The following RGS6 variants were observed in gnomAD, a reference collection of about 807,000 sequenced individuals.
The protein encoded by RGS6 is regulator of G-protein signaling 6.
In RGS6, 30 loss-of-function variants were observed where a neutral mutation model predicts 78.5. The ratio of observed to expected loss-of-function variants is 0.38; its 90% CI spans 0.29 to 0.52. The LOEUF (loss-of-function observed/expected upper bound fraction) is 0.52, where lower values mean the gene tolerates loss of function less well. Ranked by LOEUF, RGS6 falls within the 20% of genes least tolerant of loss-of-function variation. The pLI is 0.85. For synonymous variants in RGS6, 206 were observed against 206.0 expected (o/e 1.00, Z 0.00); for missense variants, 495 against 609.7 (o/e 0.81, Z 1.98).
chr14:72,387,368 CA>C (rs1195503841), intron 3 of RGS6, among the ~76,000 whole-genome samples: 1 of 152,004 alleles, frequency 6.6e-6, no homozygotes, highest in African/African-American at 2.4e-5. Context: ...GCTAACACAG[CA>C]AAACCCCATC....
At chr14:72,303,080 T>C (rs2066466068) in intron 2 of RGS6, among the ~76,000 whole-genome samples, 1 of 152,230 alleles carries the variant, frequency 6.6e-6, no homozygotes, top group South Asian at 2.1e-4. Context: ...TATGTCTTTA[T>C]TAGCAGCATG....
intron 11 of RGS6, among the ~76,000 whole-genome samples, chr14:72,477,478 A>G (rs1201688368): frequency 7.5e-6 from 1 of 132,546 alleles, no homozygotes; most frequent in Non-Finnish European, 1.6e-5. Flanking sequence ...GTAAGAGGTA[A>G]TGGATATATG....
chr14:72,341,667 A>C (rs1052502646), intron 2 of RGS6, among the ~76,000 whole-genome samples: 1 of 152,236 alleles, frequency 6.6e-6, no homozygotes, highest in African/African-American at 2.4e-5. Context: ...CAGATGCCGA[A>C]TGATGGAGGA....
At chr14:72,100,752 T>C (rs2095512298) in intron 2 of RGS6, among the ~76,000 whole-genome samples, 1 of 152,232 alleles carries the variant, frequency 6.6e-6, no homozygotes, top group South Asian at 2.1e-4. Context: ...TGAATCTATC[T>C]GTAAGCAACT....
rs1206955331 is a variant in RGS6, at chr14:72,233,362, G to A, written c.85-118733G>A. Among the ~76,000 whole-genome samples, 3 of 152,164 alleles carry A rather than the reference G, an allele frequency of 2.0e-5. No individual in the cohort carries two copies. In the East Asian group the frequency reaches 5.8e-4, roughly 29 times the overall value. ...TCCACTTGGCCTGGAGCGTCTGTGA[G>A]TCCTTGTCAAATACTGCCTGGCACT... On this transcript the variant is annotated intron_variant, in intron 2 of 17. Transcript: ENST00000553525.
At chr14:72,174,274 A>C (rs2097072389) in intron 2 of RGS6, among the ~76,000 whole-genome samples, 1 of 152,154 alleles carries the variant, frequency 6.6e-6, no homozygotes, top group African/African-American at 2.4e-5. Flanking sequence ...TGCCCAGCTA[A>C]TTTTGTAGAG....
intron 2 of RGS6, among the ~76,000 whole-genome samples, chr14:72,156,385 G>A (rs1299604274): frequency 1.3e-5 from 2 of 149,466 alleles, no homozygotes; most frequent in Non-Finnish European, 3.0e-5. Flanking sequence ...GGCAGAGGTT[G>A]CAGTGAGCCA....
chr14:72,177,020 C>T (rs1329999915), intron 2 of RGS6, among the ~76,000 whole-genome samples: 1 of 152,038 alleles, frequency 6.6e-6, no homozygotes, highest in Non-Finnish European at 1.5e-5. Context: ...CTTTCTTCTC[C>T]TCAATATAAC....
intron 2 of RGS6, among the ~76,000 whole-genome samples, chr14:71,989,518 A>G (rs2094865844): frequency 6.6e-6 from 1 of 152,256 alleles, no homozygotes; most frequent in African/African-American, 2.4e-5. Flanking sequence ...GGCCTGTGAA[A>G]AACATAAGGC....
chr14:72,002,596 C>A lies in RGS6; in HGVS notation c.84+37721C>A, dbSNP rs533647288. On this transcript the variant is annotated intron_variant, in intron 2 of 17. Coordinates refer to ENST00000553525, the MANE Select transcript of RGS6 (RefSeq NM_001204424.2). ...GGTATGCATTGAGGCAAGAGTCTTG[C>A]CAACTTTTCAAAAAAAAAATGGGAA... Among the ~76,000 whole-genome samples, 4 of 100,886 alleles carry A rather than the reference C, an allele frequency of 4.0e-5. No homozygotes were observed. The Admixed American group carries it at 4.0e-4, about 10-fold the overall frequency. The allele number at this position is 100,886 out of a possible 152,430, so 66.2% of individuals were successfully genotyped here.
chr14:72,116,013 C>A (rs76900944), intron 2 of RGS6, among the ~76,000 whole-genome samples: 5,737 of 152,284 alleles, frequency 0.038, 121 homozygotes, highest in African/African-American at 0.049. Context: ...TAATAGGAAT[C>A]TTTAAACTCC....
chr14:72,441,612 C>T (rs1278482835), intron 3 of RGS6, among the ~76,000 whole-genome samples: 1 of 152,246 alleles, frequency 6.6e-6, no homozygotes, highest in African/African-American at 2.4e-5. Flanking sequence ...TTGACTTCCT[C>T]CTGTCACTGC....
chr14:72,249,690 A>G (rs968753763), intron 2 of RGS6, among the ~76,000 whole-genome samples: 1 of 152,206 alleles, frequency 6.6e-6, no homozygotes, highest in Non-Finnish European at 1.5e-5. Context: ...TTTTGGATTT[A>G]TGCACTAGAG....
At chr14:72,039,613 G>C (rs2092160489) in intron 2 of RGS6, among the ~76,000 whole-genome samples, 1 of 152,100 alleles carries the variant, frequency 6.6e-6, no homozygotes, top group Non-Finnish European at 1.5e-5. Flanking sequence ...GTATACATCA[G>C]ATAGTGAGGT....
At chr14:72,140,629 A>G (rs2096526658) in intron 2 of RGS6, among the ~76,000 whole-genome samples, 1 of 152,234 alleles carries the variant, frequency 6.6e-6, no homozygotes, top group Non-Finnish European at 1.5e-5. Flanking sequence ...CCTGTTACAG[A>G]GTTAAAGCTG....
intron 2 of RGS6, among the ~76,000 whole-genome samples, chr14:72,230,189 T>C (rs1386269866): frequency 6.6e-6 from 1 of 152,224 alleles, no homozygotes; most frequent in Non-Finnish European, 1.5e-5. Flanking sequence ...ATTTTAGTTA[T>C]TCCTGGATCT....
chr14:72,417,954 A>G (rs2093941706), intron 3 of RGS6, among the ~76,000 whole-genome samples: 1 of 152,158 alleles, frequency 6.6e-6, no homozygotes, highest in African/African-American at 2.4e-5. Context: ...ACAGTGATTT[A>G]TAGCATAGCT....
chr14:72,271,033 T>G (rs1281052166), intron 2 of RGS6, among the ~76,000 whole-genome samples: 1 of 152,174 alleles, frequency 6.6e-6, no homozygotes, highest in Non-Finnish European at 1.5e-5. Flanking sequence ...CCATGCCTTT[T>G]GTTCAGATTA....
the RGS6 span, among the ~76,000 whole-genome samples, chr14:72,626,447 T>C: frequency 6.6e-6 from 1 of 152,130 alleles, no homozygotes; most frequent in Non-Finnish European, 1.5e-5. Flanking sequence ...AGATATTCTA[T>C]TTTACTTTGC....
Sources: allele counts gnomAD v4.1 joint callset (sites outside exome capture counted in the v4.1 genomes callset), GRCh38; gene constraint gnomAD v4.1.1; transcripts MANE v1.5; gene names NCBI Gene and HGNC (gene_info 2026-07-23, HGNC 2026-07-21).